The following SLIT1 variants were observed in gnomAD, a reference collection of about 807,000 sequenced individuals.
SLIT1 encodes the protein slit homolog 1 protein.
SLIT1 carries 66 observed loss-of-function variants against 186.1 expected under a neutral mutation model. The ratio of observed to expected loss-of-function variants is 0.35; its 90% confidence interval spans 0.29 to 0.44. The LOEUF (loss-of-function observed/expected upper bound fraction) is 0.44, where lower values mean the gene tolerates loss of function less well. SLIT1 is among the 20% of genes least tolerant of loss of function. SLIT1 has a pLI of 1.00. For synonymous variants in SLIT1, 761 were observed against 833.8 expected, an observed-to-expected ratio of 0.91 and a Z score of 1.50; for missense variants, 1,638 against 2,037.4, an observed-to-expected ratio of 0.80 and a Z score of 3.77.
intron 8 of SLIT1, 83 bp from the exon 9 acceptor site, chr10:97,060,870 A>G: frequency 7.1e-7 from 1 of 1,417,684 alleles, no homozygotes; most frequent in Non-Finnish European, 9.4e-7. Flanking sequence ...TGGATGGGAT[A>G]GGGTGTACAC....
intron 4 of SLIT1, among the ~76,000 whole-genome samples, chr10:97,142,798 T>C (rs1326601804): frequency 6.6e-6 from 1 of 152,130 alleles, no homozygotes; most frequent in Non-Finnish European, 1.5e-5. Context: ...CCCAATTAAA[T>C]AGTAGGCAAA....
At chr10:97,134,559 G>T (rs887340748) in intron 4 of SLIT1, among the ~76,000 whole-genome samples, 1 of 152,120 alleles carries the variant, frequency 6.6e-6, no homozygotes, top group African/African-American at 2.4e-5. Flanking sequence ...CCGAGCTGCA[G>T]ATCTCTCCCA....
chr10:97,166,928 A>T (rs1850128862), intron 1 of SLIT1, among the ~76,000 whole-genome samples: 1 of 151,962 alleles, frequency 6.6e-6, no homozygotes, highest in African/African-American at 2.4e-5. Context: ...TGGCCATCTG[A>T]CCCGCGGGCC....
chr10:97,119,928 T>TATATATAC (rs1849544950), intron 4 of SLIT1, among the ~76,000 whole-genome samples: 1 of 129,754 alleles, frequency 7.7e-6, no homozygotes, highest in East Asian at 2.2e-4. Flanking sequence ...TATATATATA[T>TATATATAC]ATATATATAT....
At chr10:97,163,586 A>G in intron 2 of SLIT1, 135 bp from the exon 3 acceptor site, 1 of 758,062 alleles carries the variant, frequency 1.3e-6, no homozygotes, top group Non-Finnish European at 2.3e-6. Context: ...AGCCATGCCC[A>G]AGCCTCACAC....
chr10:97,087,355 C>T (rs1210231017), intron 4 of SLIT1, among the ~76,000 whole-genome samples: 2 of 152,248 alleles, frequency 1.3e-5, no homozygotes, highest in Non-Finnish European at 2.9e-5. Context: ...CATCCTCCGG[C>T]TTGCCTCCCT....
intron 4 of SLIT1, chr10:97,157,574 C>T (rs929667609): frequency 1.5e-5 from 8 of 534,078 alleles, no homozygotes; most frequent in African/African-American, 3.8e-5. Flanking sequence ...ACACTGTCAG[C>T]GGCAGCTCAC....
chr10:97,035,341 C>G (rs1056063595), intron 22 of SLIT1, among the ~76,000 whole-genome samples: 2 of 152,084 alleles, frequency 1.3e-5, no homozygotes, highest in African/African-American at 4.8e-5. Flanking sequence ...ATGGCCCCAG[C>G]CTGTCCTCTC....
rs1056145329 is a variant in SLIT1 at position 97,011,196 on chromosome 10, G to A, written c.3204-66C>T. On this transcript the variant is annotated intron_variant, in intron 30 of 36. Transcript: ENST00000266058. ...ACAGAGTCTGGGAGGCCAGGGGAGC[G>A]CACCAGGGATCCCCCACACAGTCTG... 187 of 1,116,924 alleles carry A rather than the reference G, an allele frequency of 1.7e-4. 1 individual carries two copies. The highest frequency in any genetic ancestry group is 6.4e-4 in the Middle Eastern group (3 of 4,708). 69.2% of individuals were successfully genotyped at this position (1,116,924 alleles called of 1,614,324 possible). A position where few individuals can be genotyped will look rare whatever the true frequency, so the allele number is the denominator to read the frequency against.
At chr10:97,013,409 A>G (rs1213495076) in intron 30 of SLIT1, among the ~76,000 whole-genome samples, 1 of 152,174 alleles carries the variant, frequency 6.6e-6, no homozygotes, top group African/African-American at 2.4e-5. Flanking sequence ...ACCGGGAGCT[A>G]AGTGCTTTCC....
chr10:97,123,230 C>T (rs1849575286), intron 4 of SLIT1, among the ~76,000 whole-genome samples: 1 of 152,208 alleles, frequency 6.6e-6, no homozygotes, highest in South Asian at 2.1e-4. Context: ...AAGGGATTGC[C>T]AAAAAGTCAC....
Position 97,082,486 on chromosome 10 carries a change from G to A in SLIT1, c.414-16400C>T, listed in dbSNP as rs1007222842. ...GTCTCGCTCTGTTGCCCAGGCTGGA[G>A]TGCAGTGGCATGATCTCGGCTCACT... On this transcript the variant is annotated intron_variant, in intron 4 of 36. Transcript: ENST00000266058. Among the ~76,000 whole-genome samples the A allele has an allele frequency of 2.6e-5, 4 of 152,204 alleles. No individual in the cohort carries two copies. In the East Asian group the frequency reaches 7.7e-4, roughly 29 times the overall value.
At chr10:97,007,940 T>C (rs1422298444) in intron 31 of SLIT1, among the ~76,000 whole-genome samples, 1 of 131,908 alleles carries the variant, frequency 7.6e-6, no homozygotes, top group South Asian at 2.5e-4. Context: ...GTTCTAGCCA[T>C]GGCAGTTAGG....
chr10:97,047,655 G>A, intron 16 of SLIT1, 35 bp downstream of exon 16: 1 of 1,574,808 alleles, frequency 6.3e-7, no homozygotes, highest in South Asian at 1.1e-5. Context: ...GGCAGTTAGG[G>A]ACAGGGGAGG....
intron 1 of SLIT1, among the ~76,000 whole-genome samples, chr10:97,172,027 A>C (rs1294560809): frequency 6.6e-6 from 1 of 151,590 alleles, no homozygotes; most frequent in Non-Finnish European, 1.5e-5. Flanking sequence ...CTGTAGCATA[A>C]ATCAGAGCCA....
At chr10:97,054,145 G>T (rs893956001) in intron 13 of SLIT1, among the ~76,000 whole-genome samples, 2 of 150,914 alleles carry the variant, frequency 1.3e-5, no homozygotes, top group African/African-American at 4.9e-5. Context: ...GGCGAAGCAA[G>T]ACTAGGCATA....
In SLIT1 at chr10:97,047,834, C is replaced by A. The variant is rs1416987637; in HGVS notation, c.1490G>T (p.Gly497Val). The A allele has an allele frequency of 1.2e-6, 2 of 1,613,864 alleles. No individual in the cohort carries two copies. The highest frequency in any genetic ancestry group is 3.3e-5 in the Admixed American group (2 of 60,022). ...GCTGTTCAGCTGGTAATCCTCCGTGCCTGCCATGAGAGGGTGGGGGCAGAG... is the reference window on the plus strand; with the variant it reads ...GCTGTTCAGCTGGTAATCCTCCGTGACTGCCATGAGAGGGTGGGGGCAGAG... ...CSAKEQYFIP[G>V]TEDYQLNSEC... The change falls in exon 16 of 37, where the codon GGC becomes GTC. Residue 497 changes from glycine to valine, a missense_variant and splice_region_variant. This residue lies in a region of SLIT1 where 1,245 missense variants were observed against 1,535.3 expected (regional missense o/e 0.81). Coordinates refer to ENST00000266058, the MANE Select transcript of SLIT1 (RefSeq NM_003061.3).
rs1176277989 is a variant in SLIT1, at chr10:96,998,846, G to A, written c.*2266C>T. ...CCAGCCGCTCACCTCCCAGCCCCAT[G>A]GCGCCAGGTGAGGGGTGAGCATCAC... On this transcript the variant is annotated 3_prime_UTR_variant, in exon 37 of 37. Coordinates refer to ENST00000266058, the MANE Select transcript of SLIT1 (RefSeq NM_003061.3). 1 of 152,328 alleles carries A rather than the reference G, an allele frequency of 6.6e-6. No individual in the cohort carries two copies. The highest frequency in any genetic ancestry group is 1.5e-5 in the Non-Finnish European group (1 of 68,124). The allele number at this position is 152,328 out of a possible 1,614,324, so 9.4% of individuals were successfully genotyped here. A position where few individuals can be genotyped will look rare whatever the true frequency, so the allele number is the denominator to read the frequency against.
At chr10:97,164,524 C>T (rs1165233969) in intron 2 of SLIT1, among the ~76,000 whole-genome samples, 3 of 152,128 alleles carry the variant, frequency 2.0e-5, no homozygotes, top group East Asian at 1.9e-4. Flanking sequence ...CGATTGGTCA[C>T]GAGGTCCCTG....
Sources: allele counts gnomAD v4.1 joint callset (sites outside exome capture counted in the v4.1 genomes callset), GRCh38; gene constraint gnomAD v4.1.1; regional missense constraint gnomAD v4.1.1; transcripts MANE v1.5; gene names NCBI Gene and HGNC (gene_info 2026-07-23, HGNC 2026-07-21).